The following CHST9 variants were observed in gnomAD, a reference collection of about 807,000 sequenced individuals.
CHST9 encodes the protein carbohydrate sulfotransferase 9, also known as GalNAc-4-sulfotransferase 2.
In CHST9, 41 loss-of-function variants were observed where a neutral mutation model predicts 44.4. The ratio of observed to expected loss-of-function variants is 0.92; its 90% CI spans 0.72 to 1.20. The LOEUF is 1.20. CHST9 is among the 50% of genes most tolerant of loss of function. CHST9 has a pLI of 0.00. For synonymous variants in CHST9, 171 were observed against 178.4 expected, an observed-to-expected ratio of 0.96 and a Z score of 0.33; for missense variants, 504 against 516.5, an observed-to-expected ratio of 0.98 and a Z score of 0.23.
chr18:27,030,850 C>T (rs1365221052), intron 3 of CHST9, among the ~76,000 whole-genome samples: 1 of 152,176 alleles, frequency 6.6e-6, no homozygotes, highest in Non-Finnish European at 1.5e-5. Context: ...CTTCTCTGAG[C>T]CCTCATTCCC....
rs2057510914 is a variant in CHST9, at chr18:27,047,120, C to T, written c.160+1345G>A. 2.0e-5 allele frequency among the ~76,000 whole-genome samples: 3 copies of T among 152,036 alleles called. No individual in the cohort carries two copies. The South Asian group carries it at 6.2e-4, about 31-fold the overall frequency. ...CTGAGTCCTTGTCCTGCCTCTGTCT[C>T]TAACCTTGGTGTCACCTTGATCACA... On this transcript the variant is annotated intron_variant, in intron 3 of 5. Transcript: ENST00000618847.
chr18:26,991,271 A>G (rs1024553189), intron 4 of CHST9, among the ~76,000 whole-genome samples: 1 of 151,990 alleles, frequency 6.6e-6, no homozygotes, highest in Non-Finnish European at 1.5e-5. Context: ...AATCCTCTTA[A>G]TTCTCTAACG....
chr18:27,137,369 G>C (rs1056734961), intron 2 of CHST9, among the ~76,000 whole-genome samples: 2 of 151,074 alleles, frequency 1.3e-5, no homozygotes, highest in African/African-American at 4.9e-5. Context: ...GAGAGAGAGA[G>C]AGAGAAAGAG....
chr18:27,174,330 A>G (rs2058852529), intron 1 of CHST9, among the ~76,000 whole-genome samples: 1 of 151,964 alleles, frequency 6.6e-6, no homozygotes, highest in Non-Finnish European at 1.5e-5. Flanking sequence ...CTACCAGTTT[A>G]GATTTGCCTG....
intron 2 of CHST9, among the ~76,000 whole-genome samples, chr18:27,085,536 C>T (rs773660705): frequency 6.6e-6 from 1 of 152,088 alleles, no homozygotes; most frequent in Non-Finnish European, 1.5e-5. Context: ...AATCACTAAT[C>T]ATCAGAGACT....
chr18:27,058,465 G>A (rs546202761), intron 2 of CHST9, among the ~76,000 whole-genome samples: 1 of 152,076 alleles, frequency 6.6e-6, no homozygotes, highest in South Asian at 2.1e-4. Flanking sequence ...TTACCCAGTC[G>A]GATACAGCAG....
chr18:27,047,550 A>G (rs1390905479), intron 3 of CHST9, among the ~76,000 whole-genome samples: 5 of 152,066 alleles, frequency 3.3e-5, no homozygotes, highest in African/African-American at 1.2e-4. Context: ...AAGAGACAGA[A>G]GCTTATGCTG....
At chr18:27,040,693 C>T (rs963632646) in intron 3 of CHST9, among the ~76,000 whole-genome samples, 1 of 152,150 alleles carries the variant, frequency 6.6e-6, no homozygotes, top group African/African-American at 2.4e-5. Flanking sequence ...GATTTCTATA[C>T]TGCATGGCTC....
intron 2 of CHST9, among the ~76,000 whole-genome samples, chr18:27,057,508 C>T (rs1221578577): frequency 1.3e-5 from 2 of 152,218 alleles, no homozygotes; most frequent in Non-Finnish European, 2.9e-5. Flanking sequence ...TCTCTGCCCT[C>T]CTGCAGGTTT....
chr18:27,039,707 A>T (rs1015832909), intron 3 of CHST9, among the ~76,000 whole-genome samples: 1 of 152,162 alleles, frequency 6.6e-6, no homozygotes, highest in Non-Finnish European at 1.5e-5. Context: ...AATAATTTTT[A>T]AAAATCATAT....
chr18:27,096,251 C>G (rs1018548860), intron 2 of CHST9, among the ~76,000 whole-genome samples: 1 of 151,628 alleles, frequency 6.6e-6, no homozygotes, highest in Admixed American at 6.6e-5. Flanking sequence ...AACAGAGACA[C>G]AACATATCAA....
intron 2 of CHST9, among the ~76,000 whole-genome samples, chr18:27,108,750 T>C (rs2058244118): frequency 6.6e-6 from 1 of 152,236 alleles, no homozygotes; most frequent in Non-Finnish European, 1.5e-5. Flanking sequence ...GAAGTCATTA[T>C]GATTAATTAA....
At chr18:27,135,539 G>A (rs1221487729) in intron 2 of CHST9, among the ~76,000 whole-genome samples, 2 of 152,174 alleles carry the variant, frequency 1.3e-5, no homozygotes, top group Non-Finnish European at 2.9e-5. Context: ...GTAGATGAGT[G>A]AGAGGTAAGA....
chr18:27,089,536 T>C (rs1020234665), intron 2 of CHST9, among the ~76,000 whole-genome samples: 2 of 152,308 alleles, frequency 1.3e-5, no homozygotes, highest in Admixed American at 1.3e-4. Flanking sequence ...CAGTCTATCA[T>C]TGATGGACAT....
At chr18:27,104,812 C>T (rs2058206464) in intron 2 of CHST9, among the ~76,000 whole-genome samples, 1 of 151,980 alleles carries the variant, frequency 6.6e-6, no homozygotes, top group African/African-American at 2.4e-5. Context: ...GGCATCTTTT[C>T]TTCTTTTTCA....
At chr18:27,023,560 C>A (rs1410192441) in intron 4 of CHST9, among the ~76,000 whole-genome samples, 1 of 152,182 alleles carries the variant, frequency 6.6e-6, no homozygotes, top group African/African-American at 2.4e-5. Flanking sequence ...CCACTGTATG[C>A]CAAAGCCATG....
intron 5 of CHST9, among the ~76,000 whole-genome samples, chr18:26,927,508 G>T (rs1375454573): frequency 1.3e-5 from 2 of 152,088 alleles, no homozygotes; most frequent in Non-Finnish European, 2.9e-5. Flanking sequence ...AGTGGGGAGA[G>T]GGTCAGCAGG....
At chr18:26,982,447 G>T (rs2056703260) in intron 4 of CHST9, among the ~76,000 whole-genome samples, 1 of 151,230 alleles carries the variant, frequency 6.6e-6, no homozygotes. Context: ...AAACAGTCAA[G>T]CAAACAAAAC....
At chr18:27,074,678 A>C (rs542864627) in intron 2 of CHST9, among the ~76,000 whole-genome samples, 17 of 152,096 alleles carry the variant, frequency 1.1e-4, no homozygotes, top group Admixed American at 2.6e-4. Flanking sequence ...TATTTATATA[A>C]AACACATGAT....
Sources: gnomAD v4.1 joint callset for allele counts (sites outside exome capture counted in the v4.1 genomes callset) on GRCh38, gnomAD v4.1.1 for gene constraint, MANE v1.5 for transcripts, NCBI Gene and HGNC (gene_info 2026-07-23, HGNC 2026-07-21) for gene names.